The following MTHFD1L variants were observed in gnomAD, a reference collection of about 807,000 sequenced individuals.
The protein encoded by MTHFD1L is methylenetetrahydrofolate dehydrogenase (NADP+ dependent) 1 like.
A neutral mutation model predicts 119.5 loss-of-function variants in MTHFD1L; 81 were observed. That is an observed-to-expected ratio of 0.68 (90% CI 0.57 to 0.82). The LOEUF is 0.82. MTHFD1L is among the 40% of genes least tolerant of loss of function. The pLI is 0.00. For missense variants in MTHFD1L, 1,125 were observed against 1,253.4 expected (o/e 0.90, Z 1.55); for synonymous variants, 430 against 475.2 (o/e 0.90, Z 1.24).
chr6:151,057,083 G>T (rs1295684736), intron 26 of MTHFD1L, among the ~76,000 whole-genome samples: 1 of 152,126 alleles, frequency 6.6e-6, no homozygotes, highest in Non-Finnish European at 1.5e-5. Context: ...GTCCTTTGTT[G>T]TTTGCTCTAA....
intron 7 of MTHFD1L, among the ~76,000 whole-genome samples, chr6:150,896,541 C>G (rs1007688703): frequency 6.6e-6 from 1 of 152,202 alleles, no homozygotes; most frequent in Non-Finnish European, 1.5e-5. Flanking sequence ...CTGAGGTCAT[C>G]AGTAGCCCAG....
At chr6:151,032,263 A>G (rs573631400) in intron 24 of MTHFD1L, among the ~76,000 whole-genome samples, 1 of 152,332 alleles carries the variant, frequency 6.6e-6, no homozygotes, top group South Asian at 2.1e-4. Flanking sequence ...CTGTGCAAGC[A>G]TGGCACCAAC....
chr6:151,059,156 C>T (rs1790340691), intron 26 of MTHFD1L, among the ~76,000 whole-genome samples: 1 of 151,806 alleles, frequency 6.6e-6, no homozygotes, highest in East Asian at 1.9e-4. Context: ...TCTCCAGGGC[C>T]TTTTAGCTCC....
chr6:151,022,199 GTTA>G (rs1338673669), intron 24 of MTHFD1L: 1 of 335,222 alleles, frequency 3.0e-6, no homozygotes. Context: ...GATGTTTGTT[GTTA>G]TTGTTGTTGT....
chr6:151,012,040 A>C lies in MTHFD1L; in HGVS notation c.2266-1739A>C, dbSNP rs1044901622. ...ACAACAAAAAAAAAAAAAAAAAAAA[A>C]AAAAAAAAAAACCAGCAGGGACCAG... On this transcript the variant is annotated intron_variant, in intron 21 of 27. Transcript: ENST00000367321. Among the ~76,000 whole-genome samples, 259 of 146,160 alleles carry C rather than the reference A, an allele frequency of 1.8e-3. 3 individuals are homozygous for C. Among genetic ancestry groups the C allele is most frequent in the African/African-American group, 6.2e-3 (240 of 38,816 alleles).
At chr6:151,084,882 G>A (rs1006336981) in intron 26 of MTHFD1L, among the ~76,000 whole-genome samples, 16 of 150,374 alleles carry the variant, frequency 1.1e-4, no homozygotes, top group South Asian at 2.1e-4. Flanking sequence ...CAGGAGAATC[G>A]CTTGAACCCG....
At chr6:151,009,199 G>A (rs1290728107) in intron 20 of MTHFD1L, among the ~76,000 whole-genome samples, 5 of 151,104 alleles carry the variant, frequency 3.3e-5, no homozygotes, top group Non-Finnish European at 7.4e-5. Context: ...GAAACAATTT[G>A]GAACCTGATT....
chr6:150,987,450 C>T (rs1778463478), intron 20 of MTHFD1L, among the ~76,000 whole-genome samples: 1 of 152,224 alleles, frequency 6.6e-6, no homozygotes, highest in African/African-American at 2.4e-5. Context: ...CCTGTGAGGA[C>T]CTGGCTACGT....
At chr6:151,011,508 C>G (rs1227953084) in intron 21 of MTHFD1L, among the ~76,000 whole-genome samples, 1 of 152,182 alleles carries the variant, frequency 6.6e-6, no homozygotes, top group Non-Finnish European at 1.5e-5. Flanking sequence ...AGGGACTGAT[C>G]AGATCTACAG....
intron 18 of MTHFD1L, among the ~76,000 whole-genome samples, chr6:150,964,145 C>T (rs1458260875): frequency 1.3e-5 from 2 of 151,992 alleles, no homozygotes; most frequent in Non-Finnish European, 2.9e-5. Flanking sequence ...AGAGAGATTC[C>T]GTTCTCAAAA....
chr6:151,034,557 T>C lies in MTHFD1L; in HGVS notation c.2651T>C (p.Leu884Pro), dbSNP rs1785849765. 1.2e-6 allele frequency: 2 copies of C among 1,611,756 alleles called. No homozygotes were observed. The highest frequency in any genetic ancestry group is 1.7e-6 in the Non-Finnish European group (2 of 1,179,772). Residue 884 changes from leucine (L) to proline (P), a missense_variant, in exon 25 of 28, where the codon CTC becomes CCC. Around this residue, in one of 3 missense-constraint regions of MTHFD1L, gnomAD observed 1,058 missense variants for 1,151.2 expected, o/e 0.92. Transcript: ENST00000367321. ...QAVYGAKDIELSPEAQAKIDR... is the reference protein window; with the variant it reads ...QAVYGAKDIEPSPEAQAKIDR... Reference sequence around the variant, plus strand: ...GTCTATGGAGCCAAAGATATTGAACTCTCTCCTGAGGCACAAGCCAAAATA... The same window carrying C: ...GTCTATGGAGCCAAAGATATTGAACCCTCTCCTGAGGCACAAGCCAAAATA...
chr6:150,940,499 G>C (rs1343831032), intron 13 of MTHFD1L, among the ~76,000 whole-genome samples: 2 of 152,190 alleles, frequency 1.3e-5, no homozygotes, highest in Non-Finnish European at 2.9e-5. Flanking sequence ...CTCGGGTTTA[G>C]CCAGCAAATT....
intron 26 of MTHFD1L, chr6:151,057,116 C>A: frequency 1.3e-6 from 1 of 786,052 alleles, no homozygotes; most frequent in Non-Finnish European, 1.5e-6. Flanking sequence ...AACAGTTCAG[C>A]TCTGGTAATT....
At chr6:150,886,124 T>C (rs1782217731) in intron 6 of MTHFD1L, among the ~76,000 whole-genome samples, 1 of 152,174 alleles carries the variant, frequency 6.6e-6, no homozygotes, top group African/African-American at 2.4e-5. Context: ...TAGCCTTAGA[T>C]AAGACTTACG....
intron 10 of MTHFD1L, among the ~76,000 whole-genome samples, chr6:150,922,910 C>A (rs1286213976): frequency 6.6e-6 from 1 of 152,178 alleles, no homozygotes; most frequent in Non-Finnish European, 1.5e-5. Context: ...TCCCAAAGTG[C>A]TGGGATTACA....
At chr6:150,952,794 C>T (rs1795045593) in intron 16 of MTHFD1L, among the ~76,000 whole-genome samples, 1 of 152,200 alleles carries the variant, frequency 6.6e-6, no homozygotes, top group Admixed American at 6.5e-5. Context: ...TCCCGAAGTG[C>T]TGCGATTACA....
At chr6:150,911,755 C>T (rs1045725545) in intron 8 of MTHFD1L, among the ~76,000 whole-genome samples, 2 of 152,110 alleles carry the variant, frequency 1.3e-5, no homozygotes, top group African/African-American at 4.8e-5. Context: ...GGGGAGGCCT[C>T]AAAATCATGG....
intron 8 of MTHFD1L, among the ~76,000 whole-genome samples, chr6:150,913,128 G>A (rs1328207796): frequency 6.6e-6 from 1 of 151,888 alleles, no homozygotes; most frequent in African/African-American, 2.4e-5. Context: ...CAGCCCCCAG[G>A]TAGCTGGGAC....
At chr6:150,873,838 T>A (rs1206338522) in intron 1 of MTHFD1L, among the ~76,000 whole-genome samples, 1 of 152,078 alleles carries the variant, frequency 6.6e-6, no homozygotes, top group Non-Finnish European at 1.5e-5. Flanking sequence ...CCTGGCTAAT[T>A]TTTGTATTTT....
Sources: gnomAD v4.1 joint callset for allele counts (sites outside exome capture counted in the v4.1 genomes callset) on GRCh38, gnomAD v4.1.1 for gene constraint, gnomAD v4.1.1 regional missense constraint, MANE v1.5 for transcripts, NCBI Gene and HGNC (gene_info 2026-07-23, HGNC 2026-07-21) for gene names.